Variants in LRRC4C observed in about 807,000 individuals in gnomAD.
The protein encoded by LRRC4C is leucine-rich repeat-containing protein 4C.
Under a neutral mutation model 33.6 loss-of-function variants are expected in LRRC4C, and 5 were observed. That is an observed-to-expected ratio of 0.15 (90% CI 0.08 to 0.31). The LOEUF (loss-of-function observed/expected upper bound fraction) is 0.31. LRRC4C is among the 10% of genes least tolerant of loss of function. LRRC4C has a pLI of 1.00. For missense variants in LRRC4C, 560 were observed against 796.7 expected, an observed-to-expected ratio of 0.70 and a Z score of 3.58; for synonymous variants, 329 against 302.0, an observed-to-expected ratio of 1.09 and a Z score of -0.93.
At chr11:41,450,299 G>A (rs1464226866) in intron 1 of LRRC4C, among the ~76,000 whole-genome samples, 43 of 152,084 alleles carry the variant, frequency 2.8e-4, no homozygotes, top group Admixed American at 2.8e-3. Context: ...TGTTTTCTAA[G>A]CTCTCTGGCA....
intron 1 of LRRC4C, among the ~76,000 whole-genome samples, chr11:40,995,725 C>G (rs1853921503): frequency 6.6e-6 from 1 of 152,096 alleles, no homozygotes; most frequent in African/African-American, 2.4e-5. Context: ...ATTCACCCAG[C>G]AGGTAGAATT....
chr11:40,711,838 T>C (rs1018853328), intron 2 of LRRC4C, among the ~76,000 whole-genome samples: 9 of 152,162 alleles, frequency 5.9e-5, no homozygotes, highest in Non-Finnish European at 1.2e-4. Context: ...GTTGGAAACA[T>C]AAATGCATGT....
chr11:40,963,565 G>A (rs1851117588), intron 1 of LRRC4C, among the ~76,000 whole-genome samples: 1 of 151,746 alleles, frequency 6.6e-6, no homozygotes, highest in Admixed American at 6.6e-5. Flanking sequence ...AATCATAGAA[G>A]ATGACATAAG....
chr11:40,795,056 A>G (rs1039378987), intron 2 of LRRC4C, among the ~76,000 whole-genome samples: 1 of 152,156 alleles, frequency 6.6e-6, no homozygotes, highest in Non-Finnish European at 1.5e-5. Context: ...GTAGTGTTTT[A>G]ACTGTATTTC....
chr11:41,265,061 A>G (rs992486055), intron 1 of LRRC4C, among the ~76,000 whole-genome samples: 1 of 152,158 alleles, frequency 6.6e-6, no homozygotes, highest in African/African-American at 2.4e-5. Flanking sequence ...ATTTCATACC[A>G]TGACTGTCCT....
Position 40,563,911 on chromosome 11 carries a change from A to AGCT in LRRC4C, c.-270+84228_-270+84230dup, listed in dbSNP as rs1480734601. 3.3e-5 allele frequency among the ~76,000 whole-genome samples: 5 copies of AGCT among 152,288 alleles called. No individual in the cohort carries two copies. In the South Asian group the frequency reaches 1.0e-3, roughly 32 times the overall value. ...TAAGGCAACAGGAATTGCCCTCAAG[A>AGCT]GCTGCTGCTGCTTCATCCCCCATAA... On this transcript the variant is annotated intron_variant, in intron 3 of 6. Transcript: ENST00000528697.
intron 2 of LRRC4C, among the ~76,000 whole-genome samples, chr11:40,716,716 T>C (rs1946740418): frequency 6.6e-6 from 1 of 152,192 alleles, no homozygotes; most frequent in Non-Finnish European, 1.5e-5. Context: ...TGAAAAATCA[T>C]CACTCCTCTG....
At chr11:41,437,655 T>A (rs185830376) in intron 1 of LRRC4C, among the ~76,000 whole-genome samples, 1 of 152,238 alleles carries the variant, frequency 6.6e-6, no homozygotes, top group African/African-American at 2.4e-5. Context: ...ATTCACTCAT[T>A]ACATCTTTGT....
chr11:40,498,016 T>G (rs970751286), intron 3 of LRRC4C, among the ~76,000 whole-genome samples: 1 of 152,214 alleles, frequency 6.6e-6, no homozygotes, highest in African/African-American at 2.4e-5. Flanking sequence ...GTAAATCTTA[T>G]TTAAATCGAC....
intron 5 of LRRC4C, among the ~76,000 whole-genome samples, chr11:40,175,145 C>A (rs77537143): frequency 6.6e-6 from 1 of 152,172 alleles, no homozygotes; most frequent in Non-Finnish European, 1.5e-5. Context: ...ACTAACATCA[C>A]GAAGCAGTGG....
intron 1 of LRRC4C, among the ~76,000 whole-genome samples, chr11:41,135,247 C>T (rs1943205691): frequency 6.6e-6 from 1 of 152,026 alleles, no homozygotes; most frequent in East Asian, 1.9e-4. Flanking sequence ...CCATTTCTGC[C>T]TAGACAAGCT....
chr11:41,342,689 T>TG (rs1296891425), intron 1 of LRRC4C, among the ~76,000 whole-genome samples: 41 of 152,284 alleles, frequency 2.7e-4, no homozygotes, highest in African/African-American at 9.6e-4. Flanking sequence ...AACTCCAGCC[T>TG]GGGCAACAGA....
rs1327417016 is a variant in LRRC4C at position 40,358,159 on chromosome 11, G to GGA, written c.-269-38440_-269-38439dup. Among the ~76,000 whole-genome samples, 8 of 150,592 alleles carry GGA rather than the reference G, an allele frequency of 5.3e-5. No homozygotes were observed. The South Asian group carries it at 6.4e-4, about 12-fold the overall frequency. The stretch of plus-strand genomic sequence containing the variant: ...GATTGTGCCACTGCACTCCAGCCTG[G>GGA]GAGAGAGAGAGAGACTCTGTCTCAA... On this transcript the variant is annotated intron_variant, in intron 3 of 6. Coordinates refer to ENST00000528697, the MANE Select transcript of LRRC4C (RefSeq NM_001258419.2).
At chr11:40,416,274 C>T (rs2137689260) in intron 3 of LRRC4C, among the ~76,000 whole-genome samples, 1 of 152,116 alleles carries the variant, frequency 6.6e-6, no homozygotes, top group East Asian at 1.9e-4. Flanking sequence ...TTTAACTTAG[C>T]CTGGGAAGTT....
chr11:40,625,182 A>G (rs1305510409), intron 3 of LRRC4C, among the ~76,000 whole-genome samples: 4 of 152,184 alleles, frequency 2.6e-5, no homozygotes, highest in Non-Finnish European at 5.9e-5. Flanking sequence ...GTTGATCTGT[A>G]CAGTCCATGC....
chr11:40,657,185 C>T (rs2136187792), intron 2 of LRRC4C, among the ~76,000 whole-genome samples: 1 of 152,290 alleles, frequency 6.6e-6, no homozygotes, highest in Non-Finnish European at 1.5e-5. Context: ...CAAGACTACA[C>T]AGCTATTCAC....
chr11:40,893,821 AC>A (rs61207176), intron 2 of LRRC4C, among the ~76,000 whole-genome samples: 91,712 of 121,044 alleles, frequency 0.76, 32,216 homozygotes, highest in Non-Finnish European at 0.82. Flanking sequence ...GTATTATAAC[AC>A]ACACACACAC....
At chr11:41,285,687 T>C (rs1003410967) in intron 1 of LRRC4C, among the ~76,000 whole-genome samples, 9 of 152,176 alleles carry the variant, frequency 5.9e-5, no homozygotes, top group Admixed American at 5.2e-4. Flanking sequence ...TTTTCCATGC[T>C]ATTAATCCCT....
intron 3 of LRRC4C, among the ~76,000 whole-genome samples, chr11:40,521,792 C>T (rs190932549): frequency 0.026 from 4,011 of 152,048 alleles, 176 homozygotes; most frequent in African/African-American, 0.092. Flanking sequence ...TCGCTTGAAC[C>T]TGGGAGCTGG....
Sources: allele counts gnomAD v4.1 joint callset (sites outside exome capture counted in the v4.1 genomes callset), GRCh38; gene constraint gnomAD v4.1.1; transcripts MANE v1.5; gene names NCBI Gene and HGNC (gene_info 2026-07-23, HGNC 2026-07-21).